RTN1: variants seen among roughly 807,000 people sequenced by gnomAD.
RTN1 encodes the protein reticulon-1.
RTN1 carries 25 observed loss-of-function variants against 65.5 expected under a neutral mutation model. The observed-to-expected ratio is 0.38, with a 90% CI of 0.28 to 0.53. The LOEUF (loss-of-function observed/expected upper bound fraction) is 0.53, where lower values mean the gene tolerates loss of function less well. Among genes scored for constraint, RTN1 ranks in the 20% least tolerant of loss-of-function variants. RTN1 has a pLI of 0.79. For synonymous variants in RTN1, 471 were observed against 447.6 expected (o/e 1.05, Z -0.66); for missense variants, 983 against 1,025.4 (o/e 0.96, Z 0.57).
At chr14:59,662,081 C>T (rs574626868) in intron 3 of RTN1, among the ~76,000 whole-genome samples, 142 of 152,150 alleles carry the variant, frequency 9.3e-4, no homozygotes, top group African/African-American at 3.3e-3. Flanking sequence ...GATACAAAAT[C>T]AATGTGCAAA....
intron 3 of RTN1, among the ~76,000 whole-genome samples, chr14:59,644,807 C>T (rs1882855452): frequency 6.6e-6 from 1 of 151,960 alleles, no homozygotes; most frequent in Non-Finnish European, 1.5e-5. Context: ...TACAGCCACC[C>T]TACAGAAAAG....
chr14:59,812,267 G>A (rs968272926), intron 1 of RTN1, among the ~76,000 whole-genome samples: 1 of 151,928 alleles, frequency 6.6e-6, no homozygotes, highest in African/African-American at 2.4e-5. Context: ...GGAAAATGAG[G>A]GTAAAAGACA....
At position 59,766,176 on chromosome 14, in the gene RTN1, G is replaced by A. The variant is rs539681228; in HGVS notation, c.242-19695C>T. On this transcript the variant is annotated intron_variant, in intron 1 of 8. Transcript: ENST00000267484. This position sits in a 1 kb window ranked among gnomAD's most constrained non-coding sequence, Gnocchi z 4.4. ...ACCCGGGAGGCAGACATTGCAGTGA[G>A]TGGAGATCATGCCAATGCACTCCAG... is the stretch of plus-strand genomic sequence containing the variant. Among the ~76,000 whole-genome samples the A allele has an allele frequency of 3.4e-4, 51 of 152,060 alleles. No homozygotes were observed. Among genetic ancestry groups the A allele is most frequent in the Non-Finnish European group, 6.5e-4 (44 of 67,996 alleles).
At chr14:59,819,414 A>ACCCCCC (rs1566737477) in intron 1 of RTN1, among the ~76,000 whole-genome samples, 1 of 31,860 alleles carries the variant, frequency 3.1e-5, no homozygotes, top group Non-Finnish European at 5.3e-5. Flanking sequence ...CACCACCACC[A>ACCCCCC]CCCCCCCCCC....
intron 3 of RTN1, among the ~76,000 whole-genome samples, chr14:59,690,357 G>A (rs1051980613): frequency 4.0e-5 from 6 of 151,790 alleles, no homozygotes; most frequent in African/African-American, 1.2e-4. Context: ...GGCAAAAATG[G>A]CATCACATAA....
At chr14:59,630,738 A>T in intron 3 of RTN1, 2 of 1,100,660 alleles carry the variant, frequency 1.8e-6, no homozygotes, top group Non-Finnish European at 2.2e-6. Context: ...GCGCATGGGG[A>T]TGCGGGCGCC....
intron 3 of RTN1, among the ~76,000 whole-genome samples, chr14:59,708,775 G>A (rs927362905): frequency 6.6e-6 from 1 of 152,186 alleles, no homozygotes; most frequent in Admixed American, 6.5e-5. Context: ...AAGTCAGGAA[G>A]AGAATTAAAA....
At chr14:59,798,755 A>C (rs191086409) in intron 1 of RTN1, among the ~76,000 whole-genome samples, 55 of 151,314 alleles carry the variant, frequency 3.6e-4, no homozygotes, top group Admixed American at 5.9e-4. Flanking sequence ...ATATAATGTA[A>C]AATATTAACG....
At chr14:59,751,106 C>G (rs113928992) in intron 1 of RTN1, among the ~76,000 whole-genome samples, 1,877 of 150,130 alleles carry the variant, frequency 0.013, 26 homozygotes, top group Non-Finnish European at 0.016. Flanking sequence ...AAATTGCTAA[C>G]GATACTTCAT....
chr14:59,646,123 T>C (rs993957579), intron 3 of RTN1, among the ~76,000 whole-genome samples: 14 of 152,222 alleles, frequency 9.2e-5, no homozygotes, highest in Admixed American at 9.2e-4. Context: ...AGAACTCATC[T>C]GATAGAGCTG....
At chr14:59,674,512 T>G (rs1377299613) in intron 3 of RTN1, among the ~76,000 whole-genome samples, 1 of 152,202 alleles carries the variant, frequency 6.6e-6, no homozygotes, top group African/African-American at 2.4e-5. Context: ...AAAAGATATT[T>G]TAAAGAGAGC....
At chr14:59,697,445 A>G (rs543849630) in intron 3 of RTN1, among the ~76,000 whole-genome samples, 19 of 152,314 alleles carry the variant, frequency 1.2e-4, no homozygotes, top group South Asian at 4.1e-4. Context: ...ATTTAAATCT[A>G]GAGAGAAGTT....
chr14:59,856,130 C>T (rs913948280), intron 1 of RTN1, among the ~76,000 whole-genome samples: 1 of 152,114 alleles, frequency 6.6e-6, no homozygotes, highest in Non-Finnish European at 1.5e-5. Context: ...TTCCACAGGT[C>T]CCATGATCTC....
intron 1 of RTN1, among the ~76,000 whole-genome samples, chr14:59,779,336 C>A (rs1886111087): frequency 1.3e-5 from 2 of 151,854 alleles, no homozygotes; most frequent in South Asian, 2.1e-4. Flanking sequence ...AAAATAAATT[C>A]TATTAATATT....
chr14:59,867,482 C>T (rs988531445), intron 1 of RTN1, among the ~76,000 whole-genome samples: 12 of 152,098 alleles, frequency 7.9e-5, no homozygotes, highest in Non-Finnish European at 1.2e-4. Context: ...ACTATTTCCA[C>T]GCCACAAAAG....
At chr14:59,780,054 G>A (rs1226090685) in intron 1 of RTN1, among the ~76,000 whole-genome samples, 1 of 152,134 alleles carries the variant, frequency 6.6e-6, no homozygotes, top group Admixed American at 6.6e-5. Context: ...GCACATTCTG[G>A]CCTTGATCCC....
At chr14:59,775,453 C>T (rs1435017442) in intron 1 of RTN1, among the ~76,000 whole-genome samples, 1 of 152,180 alleles carries the variant, frequency 6.6e-6, no homozygotes, top group East Asian at 1.9e-4. Context: ...AACACAATGC[C>T]TCTTTATTGG....
chr14:59,860,702 G>A (rs1431084926), intron 1 of RTN1, among the ~76,000 whole-genome samples: 1 of 152,190 alleles, frequency 6.6e-6, no homozygotes, highest in African/African-American at 2.4e-5. Context: ...AGCTTCCCAA[G>A]ACCATGGGAA....
chr14:59,757,937 T>C (rs1159652074), intron 1 of RTN1, among the ~76,000 whole-genome samples: 1 of 152,180 alleles, frequency 6.6e-6, no homozygotes. Context: ...CTTGGTGGTG[T>C]ACATTCTCTG....
Sources: allele counts gnomAD v4.1 joint callset (sites outside exome capture counted in the v4.1 genomes callset), GRCh38; gene constraint gnomAD v4.1.1; non-coding constraint Gnocchi (gnomAD v3.1); transcripts MANE v1.5; gene names NCBI Gene and HGNC (gene_info 2026-07-23, HGNC 2026-07-21).